NOP2: variants seen among roughly 807,000 people sequenced by gnomAD.
The protein encoded by NOP2 is 28S rRNA (cytosine(4447)-C(5))-methyltransferase.
In NOP2, 7 loss-of-function variants were observed where a neutral mutation model predicts 72.7. The observed-to-expected ratio is 0.10, with a 90% confidence interval of 0.05 to 0.18. The LOEUF (loss-of-function observed/expected upper bound fraction) is 0.18, where lower values mean the gene tolerates loss of function less well. Among genes scored for constraint, NOP2 ranks in the 10% least tolerant of loss-of-function variants. NOP2 has a pLI of 1.00. For missense variants in NOP2, 954 were observed against 1,014.7 expected, an observed-to-expected ratio of 0.94 and a Z score of 0.81; for synonymous variants, 387 against 388.0, an observed-to-expected ratio of 1.00 and a Z score of 0.03.
intron 5 of NOP2, among the ~76,000 whole-genome samples, chr12:6,565,691 T>C (rs1235932946): frequency 6.6e-6 from 1 of 152,022 alleles, no homozygotes; most frequent in African/African-American, 2.4e-5. Flanking sequence ...CCCAAGCTGG[T>C]CTCCAATTCC....
chr12:6,560,306 C>G lies in NOP2; in HGVS notation c.1581G>C (p.Val527=). Residue 527 remains valine, a synonymous_variant, in exon 15 of 16, where the codon GTG becomes GTC. Coordinates refer to ENST00000322166, the MANE Select transcript of NOP2 (RefSeq NM_001258308.2). This position sits in a 1 kb window ranked among gnomAD's most constrained non-coding sequence, Gnocchi z 5.0. ...TCCTCTTTTTCAGAGCATAGTCTACCACCCACTCATTCTCTTCTACCTGGA... is the reference window on the plus strand; with the variant it reads ...TCCTCTTTTTCAGAGCATAGTCTACGACCCACTCATTCTCTTCTACCTGGA... The part of the protein sequence containing the change: ...CSITVEENEW[V]VDYALKKRNV... The G allele has an allele frequency of 1.2e-6, 2 of 1,613,946 alleles. No homozygotes were observed. The highest frequency in any genetic ancestry group is 1.7e-6 in the Non-Finnish European group (2 of 1,179,846).
At chr12:6,558,303 C>G (rs896886649) in intron 15 of NOP2, among the ~76,000 whole-genome samples, 1 of 151,530 alleles carries the variant, frequency 6.6e-6, no homozygotes. Flanking sequence ...GATGGAATCT[C>G]ACTCTGTCAC....
At chr12:6,563,050 A>G in intron 9 of NOP2, 31 bp downstream of exon 9, 1 of 1,549,936 alleles carries the variant, frequency 6.5e-7, no homozygotes, top group Non-Finnish European at 8.7e-7. Context: ...TTCCCTTCTG[A>G]GATGAGTGAG....
At position 6,561,939 on chromosome 12, in the gene NOP2, G is replaced by A; in HGVS notation, c.1011C>T (p.Pro337=). Residue 337 remains proline (P), a synonymous_variant, in exon 10 of 16, where the codon CCC becomes CCT. Coordinates refer to ENST00000322166, the MANE Select transcript of NOP2 (RefSeq NM_001258308.2). ...ALINRGVNLD[P]LGKWSKTGLV... ...GTCCAGTCTTTGACCACTTGCCCAGGGGATCCAGGTTAACCCCACGATTGA... is the reference window on the plus strand; with the variant it reads ...GTCCAGTCTTTGACCACTTGCCCAGAGGATCCAGGTTAACCCCACGATTGA... 6.2e-7 allele frequency: 1 copy of A among 1,612,538 alleles called. No individual in the cohort carries two copies.
chr12:6,563,582 T>C, intron 7 of NOP2, 32 bp downstream of exon 7: 4 of 1,608,282 alleles, frequency 2.5e-6, no homozygotes, highest in Non-Finnish European at 3.4e-6. Flanking sequence ...ACCACCTTCC[T>C]CCTAACTCTT....
intron 8 of NOP2, 61 bp from the exon 9 acceptor site, chr12:6,563,231 G>A: frequency 1.3e-6 from 2 of 1,549,704 alleles, no homozygotes; most frequent in East Asian, 2.4e-5. Flanking sequence ...CAGAAGAGGG[G>A]AGCAAGGGGG....
intron 5 of NOP2, 67 bp downstream of exon 5, chr12:6,566,034 C>T: frequency 7.3e-7 from 1 of 1,368,784 alleles, no homozygotes; most frequent in Non-Finnish European, 1.0e-6. Context: ...GAAACAGTCT[C>T]AAGAATCTGG....
chr12:6,565,999 T>C (rs998709530), intron 5 of NOP2, 102 bp downstream of exon 5: 2 of 944,924 alleles, frequency 2.1e-6, no homozygotes, highest in African/African-American at 3.3e-5. Flanking sequence ...CCCTTTCCTC[T>C]AGTCAGGCTT....
At chr12:6,561,576 G>C in intron 11 of NOP2, 88 bp downstream of exon 11, 1 of 1,525,012 alleles carries the variant, frequency 6.6e-7, no homozygotes, top group Non-Finnish European at 9.0e-7. Context: ...TGTTCCATGA[G>C]CACTAGTGAG....
At chr12:6,566,502 T>C in intron 4 of NOP2, 27 bp downstream of exon 4, 3 of 1,605,758 alleles carry the variant, frequency 1.9e-6, no homozygotes, top group Non-Finnish European at 2.6e-6. Flanking sequence ...ACTCCTCATG[T>C]AGCATCCAGC....
chr12:6,558,567 G>A (rs1447684500), intron 15 of NOP2, among the ~76,000 whole-genome samples: 2 of 151,270 alleles, frequency 1.3e-5, no homozygotes, highest in African/African-American at 2.4e-5. Context: ...GCCCGGCCTC[G>A]CAGGGTCTTC....
chr12:6,564,362 A>AG (rs1947726888), intron 5 of NOP2: 2 of 187,674 alleles, frequency 1.1e-5, no homozygotes, highest in Non-Finnish European at 2.3e-5. Flanking sequence ...TTTTCCATTA[A>AG]GAAAAAAAAA....
intron 1 of NOP2, 84 bp from the exon 2 acceptor site, chr12:6,568,006 A>C: frequency 9.4e-7 from 1 of 1,059,026 alleles, no homozygotes; most frequent in Non-Finnish European, 1.4e-6. Flanking sequence ...TTATAGTGGG[A>C]AAGGGCACAG....
In NOP2 at chr12:6,561,687, G is replaced by C; in HGVS notation, c.1184C>G (p.Pro395Arg). The change falls in exon 11 of 16, where the codon CCT becomes CGT. Residue 395 changes from proline to arginine, a missense_variant. Physicochemically the swap from Pro to Arg is moderately radical, Grantham distance 103. Around this residue, in one of 3 missense-constraint regions of NOP2, gnomAD observed 187 missense variants for 276.2 expected, o/e 0.68. Coordinates refer to ENST00000322166, the MANE Select transcript of NOP2 (RefSeq NM_001258308.2). ...HERILDMCCA[P>R]GGKTSYMAQL... ...ACCCATGTAGCTGGTCTTTCCTCCAGGGGCACAACACATGTCCAGGATCCG... is the reference window on the plus strand; with the variant it reads ...ACCCATGTAGCTGGTCTTTCCTCCACGGGCACAACACATGTCCAGGATCCG... 6.2e-7 allele frequency: 1 copy of C among 1,613,864 alleles called. No individual in the cohort carries two copies. The highest frequency in any genetic ancestry group is 8.5e-7 in the Non-Finnish European group (1 of 1,179,840).
rs2136169351 is a variant in NOP2, at chr12:6,560,048, A to C, written c.1789+50T>G. 1 of 1,358,866 alleles carries C rather than the reference A, an allele frequency of 7.4e-7. No homozygotes were observed. Among genetic ancestry groups the C allele is most frequent in the East Asian group, 2.3e-5 (1 of 43,644 alleles). The allele number at this position is 1,358,866 out of a possible 1,614,324, so 84.2% of individuals were successfully genotyped here. ...CTTGTCACACCATAAAGCCTCCTGA[A>C]AGGTGGAAAGAGCAAAGGTGGTGAC... is the stretch of plus-strand genomic sequence containing the variant. On this transcript the variant is annotated intron_variant, in intron 15 of 15. Transcript: ENST00000322166. The surrounding 1 kb of genome is among the most constrained non-coding windows in gnomAD (Gnocchi z 5.0).
At chr12:6,558,993 C>T (rs181126742) in intron 15 of NOP2, among the ~76,000 whole-genome samples, 20 of 151,740 alleles carry the variant, frequency 1.3e-4, no homozygotes, top group Non-Finnish European at 2.1e-4. Flanking sequence ...GAGTTTTGCT[C>T]GTTGCCCAGG....
chr12:6,556,902 G>T lies in NOP2; in HGVS notation c.*91C>A. Reference sequence around the variant, plus strand: ...TTTTAAAATGTGTATTAAATTTCATGGGTATGCACAGTAGAGAAGGCATCC... The same window carrying T: ...TTTTAAAATGTGTATTAAATTTCATTGGTATGCACAGTAGAGAAGGCATCC... On this transcript the variant is annotated 3_prime_UTR_variant, in exon 16 of 16. Transcript: ENST00000322166. 2 of 1,400,954 alleles carry T rather than the reference G, an allele frequency of 1.4e-6. No homozygotes were observed. The highest frequency in any genetic ancestry group is 1.3e-5 in the South Asian group (1 of 78,238). The allele number at this position is 1,400,954 out of a possible 1,614,324, so 86.8% of individuals were successfully genotyped here.
At position 6,561,812 on chromosome 12, in the gene NOP2, G is replaced by A. The variant is rs775685051; in HGVS notation, c.1067-8C>T. ...GGTACTCGGGGGTAGCACCTGTGGA[G>A]AAGGACCACCCTGTGACATGCGGTA... On this transcript the variant is annotated splice_polypyrimidine_tract_variant and splice_region_variant and intron_variant, in intron 10 of 15. Transcript: ENST00000322166. 1.9e-6 allele frequency: 3 copies of A among 1,609,370 alleles called. No homozygotes were observed. The highest frequency in any genetic ancestry group is 2.2e-5 in the East Asian group (1 of 44,710).
chr12:6,564,843 T>C (rs1592245640), intron 5 of NOP2, among the ~76,000 whole-genome samples: 1 of 149,376 alleles, frequency 6.7e-6, no homozygotes, highest in Non-Finnish European at 1.5e-5. Flanking sequence ...TTCATAGACA[T>C]AATGACCAGT....
Sources: gnomAD v4.1 joint callset for allele counts (sites outside exome capture counted in the v4.1 genomes callset) on GRCh38, gnomAD v4.1.1 for gene constraint, gnomAD v4.1.1 regional missense constraint, Gnocchi (gnomAD v3.1) non-coding constraint, MANE v1.5 for transcripts, NCBI Gene and HGNC (gene_info 2026-07-23, HGNC 2026-07-21) for gene names.